Variants in TFDP2 observed in about 807,000 individuals in gnomAD.
TFDP2 encodes the protein transcription factor Dp-2 (E2F dimerization partner 2).
Under a neutral mutation model 59.3 loss-of-function variants are expected in TFDP2, and 17 were observed. That is an observed-to-expected ratio of 0.29 (90% CI 0.20 to 0.43). TFDP2 has a LOEUF of 0.43. TFDP2 is among the 20% of genes least tolerant of loss of function. The probability of loss-of-function intolerance (pLI) is 1.00; values close to 1 mark genes in which losing one functional copy is unlikely to be tolerated. For synonymous variants in TFDP2, 180 were observed against 194.7 expected, an observed-to-expected ratio of 0.92 and a Z score of 0.63; for missense variants, 391 against 528.8, an observed-to-expected ratio of 0.74 and a Z score of 2.56.
intron 2 of TFDP2, among the ~76,000 whole-genome samples, chr3:142,094,247 T>C (rs1207726541): frequency 1.3e-5 from 2 of 152,180 alleles, no homozygotes; most frequent in Non-Finnish European, 2.9e-5. Flanking sequence ...ATTACAATTT[T>C]GTTACATTAC....
intron 3 of TFDP2, among the ~76,000 whole-genome samples, chr3:142,038,441 T>C (rs1287692451): frequency 7.1e-6 from 1 of 140,880 alleles, no homozygotes; most frequent in African/African-American, 2.7e-5. Flanking sequence ...ATGAGAAGAA[T>C]TAAATAGATG....
At chr3:142,018,330 T>C (rs1945305075) in intron 3 of TFDP2, among the ~76,000 whole-genome samples, 1 of 152,234 alleles carries the variant, frequency 6.6e-6, no homozygotes, top group Non-Finnish European at 1.5e-5. Context: ...GGAAAAGTTT[T>C]AGTATTACAT....
chr3:142,079,988 G>A lies in TFDP2; in HGVS notation c.82+13073C>T, dbSNP rs915463823. On this transcript the variant is annotated intron_variant, in intron 3 of 12. Coordinates refer to ENST00000489671, the MANE Select transcript of TFDP2 (RefSeq NM_001178139.2). The stretch of plus-strand genomic sequence containing the variant: ...ACTTATTTTTAATTTTTTTGACATG[G>A]AGTCTTGCTCTGTCACCCAGGCTGG... 5.1e-4 allele frequency among the ~76,000 whole-genome samples: 78 copies of A among 152,136 alleles called. 1 individual carries two copies. Among genetic ancestry groups the A allele is most frequent in the African/African-American group, 1.9e-3 (78 of 41,402 alleles).
chr3:141,967,294 T>C (rs564531498), intron 9 of TFDP2, among the ~76,000 whole-genome samples: 10 of 149,338 alleles, frequency 6.7e-5, no homozygotes, highest in Admixed American at 2.7e-4. Context: ...ATAAGTTTTT[T>C]GTTTTTTTTT....
At chr3:141,974,022 A>G (rs763673583) in intron 8 of TFDP2, 26 bp downstream of exon 8, 2 of 1,603,122 alleles carry the variant, frequency 1.2e-6, no homozygotes, top group African/African-American at 1.3e-5. Flanking sequence ...GCAAACAGCT[A>G]TTCATAAACA....
At chr3:142,127,494 A>C (rs2062318720) in intron 1 of TFDP2, among the ~76,000 whole-genome samples, 1 of 151,870 alleles carries the variant, frequency 6.6e-6, no homozygotes, top group South Asian at 2.1e-4. Context: ...TTTTGTAAAA[A>C]TACAAATAAT....
chr3:142,028,122 A>C (rs555289704), intron 3 of TFDP2, among the ~76,000 whole-genome samples: 1 of 152,330 alleles, frequency 6.6e-6, no homozygotes, highest in South Asian at 2.1e-4. Context: ...ATCCTTGGGA[A>C]GTATATTTTG....
At chr3:141,954,860 G>C (rs1265849532) in intron 11 of TFDP2, among the ~76,000 whole-genome samples, 1 of 152,042 alleles carries the variant, frequency 6.6e-6, no homozygotes, top group Non-Finnish European at 1.5e-5. Context: ...ATATGATTTA[G>C]ATTGGAAACT....
intron 10 of TFDP2, among the ~76,000 whole-genome samples, chr3:141,960,395 G>A (rs1937209355): frequency 6.6e-6 from 1 of 152,192 alleles, no homozygotes; most frequent in Non-Finnish European, 1.5e-5. Flanking sequence ...TGTAATACAA[G>A]CACGTTTCCA....
At chr3:142,068,977 G>A (rs1016135653) in intron 3 of TFDP2, among the ~76,000 whole-genome samples, 5 of 151,976 alleles carry the variant, frequency 3.3e-5, no homozygotes, top group East Asian at 1.9e-4. Context: ...GTGCAGTGGC[G>A]CAATGTCGGC....
intron 2 of TFDP2, among the ~76,000 whole-genome samples, chr3:142,096,945 TGCCAAA>T (rs1317779069): frequency 1.3e-5 from 2 of 152,232 alleles, no homozygotes; most frequent in African/African-American, 4.8e-5. Context: ...TCTATTAATA[TGCCAAA>T]GCAATATTTA....
chr3:142,054,332 C>T (rs2059666991), intron 3 of TFDP2, among the ~76,000 whole-genome samples: 1 of 152,132 alleles, frequency 6.6e-6, no homozygotes, highest in Non-Finnish European at 1.5e-5. Flanking sequence ...TACTGATTCA[C>T]ACAACATGAA....
chr3:141,998,690 G>C (rs1200150491), intron 4 of TFDP2, among the ~76,000 whole-genome samples: 2 of 152,094 alleles, frequency 1.3e-5, no homozygotes, highest in Non-Finnish European at 2.9e-5. Context: ...GATATGCTAA[G>C]GAAAATGGAG....
At chr3:142,106,436 G>A (rs1438475745) in intron 1 of TFDP2, among the ~76,000 whole-genome samples, 1 of 152,172 alleles carries the variant, frequency 6.6e-6, no homozygotes, top group Non-Finnish European at 1.5e-5. Flanking sequence ...TTTCTAAATA[G>A]TTTTAAAGTT....
At chr3:142,014,655 G>C (rs1944986031) in intron 3 of TFDP2, among the ~76,000 whole-genome samples, 1 of 150,892 alleles carries the variant, frequency 6.6e-6, no homozygotes, top group African/African-American at 2.4e-5. Context: ...ACCTCAACTG[G>C]CCCTTAAAAA....
At chr3:141,979,437 C>A (rs1349900154) in intron 6 of TFDP2, among the ~76,000 whole-genome samples, 1 of 152,202 alleles carries the variant, frequency 6.6e-6, no homozygotes, top group African/African-American at 2.4e-5. Flanking sequence ...GGCAATCCTT[C>A]AGGAGGTATC....
rs181203791 is a variant in TFDP2 at position 141,986,768 on chromosome 3, G to A, written c.356+6770C>T. Among the ~76,000 whole-genome samples the A allele has an allele frequency of 1.1e-3, 173 of 152,250 alleles. 1 individual carries two copies. Among genetic ancestry groups the A allele is most frequent in the Non-Finnish European group, 2.4e-4 (16 of 68,016 alleles). Reference sequence around the variant, plus strand: ...ACCAGTTTTTCCTGCCACCAGCAGTGTATGAGCATTCTAGATGCTTCATAT... The same window carrying A: ...ACCAGTTTTTCCTGCCACCAGCAGTATATGAGCATTCTAGATGCTTCATAT... On this transcript the variant is annotated intron_variant, in intron 6 of 12. Coordinates refer to ENST00000489671, the MANE Select transcript of TFDP2 (RefSeq NM_001178139.2).
In TFDP2 at chr3:141,944,482, T is replaced by A. The variant is rs1935035690; in HGVS notation, c.*8031A>T. On this transcript the variant is annotated 3_prime_UTR_variant, in exon 13 of 13. Coordinates refer to ENST00000489671, the MANE Select transcript of TFDP2 (RefSeq NM_001178139.2). ...ATACATTTCATTCAAATCATAAAAG[T>A]CTGATACATTTTTTTCTCAAGAACA... is the stretch of plus-strand genomic sequence containing the variant. The A allele has an allele frequency of 6.6e-6, 1 of 152,224 alleles. No homozygotes were observed. The highest frequency in any genetic ancestry group is 1.5e-5 in the Non-Finnish European group (1 of 68,034). 9.4% of individuals were successfully genotyped at this position (152,224 alleles called of 1,614,324 possible).
chr3:142,108,275 T>C (rs1041872833), intron 1 of TFDP2, among the ~76,000 whole-genome samples: 1 of 151,940 alleles, frequency 6.6e-6, no homozygotes, highest in African/African-American at 2.4e-5. Flanking sequence ...AGTGGCGTGA[T>C]CTTGGCTCAC....
Sources: allele counts gnomAD v4.1 joint callset (sites outside exome capture counted in the v4.1 genomes callset), GRCh38; gene constraint gnomAD v4.1.1; transcripts MANE v1.5; gene names NCBI Gene and HGNC (gene_info 2026-07-23, HGNC 2026-07-21).